The following BRD3 variants were observed in gnomAD, a reference collection of about 807,000 sequenced individuals.
BRD3 encodes the protein bromodomain containing 3, also known as bromodomain-containing protein 3.
BRD3 carries 17 observed loss-of-function variants against 66.8 expected under a neutral mutation model. That is an observed-to-expected ratio of 0.25 (90% CI 0.17 to 0.38). The LOEUF is 0.38. BRD3 is among the 10% of genes least tolerant of loss of function. BRD3 has a pLI of 1.00. For synonymous variants in BRD3, 421 were observed against 393.2 expected (o/e 1.07, Z -0.84); for missense variants, 713 against 956.1 (o/e 0.75, Z 3.35).
rs748129502 is a variant in BRD3, at chr9:134,040,170, CCTT to C, written c.1504_1506del (p.Lys502del). The C allele has an allele frequency of 4.6e-5, 72 of 1,563,506 alleles. No individual in the cohort carries two copies. Among genetic ancestry groups the C allele is most frequent in the Middle Eastern group, 3.3e-4 (2 of 6,022 alleles). On this transcript the variant is annotated inframe_deletion, in exon 9 of 12. Coordinates refer to ENST00000303407, the MANE Select transcript of BRD3 (RefSeq NM_007371.4). Reference sequence around the variant, plus strand: ...TGCTTCTCCTTCTCCTTCTCCTTGTCCTTCTTCTTCTTCTCCTTCTCCTTCTTC... The same window carrying C: ...TGCTTCTCCTTCTCCTTCTCCTTGTCCTTCTTCTTCTCCTTCTCCTTCTTC...
chr9:134,048,316 G>T lies in BRD3; in HGVS notation c.853C>A (p.Pro285Thr). 1 of 1,600,462 alleles carries T rather than the reference G, an allele frequency of 6.2e-7. No individual in the cohort carries two copies. Among genetic ancestry groups the T allele is most frequent in the Non-Finnish European group, 8.5e-7 (1 of 1,178,894 alleles). Residue 285 changes from proline (P) to threonine (T), a missense_variant, in exon 6 of 12, where the codon CCC (proline) becomes ACC (threonine). This residue lies in a region of BRD3 where 418 missense variants were observed against 609.3 expected (regional missense o/e 0.69). Coordinates refer to ENST00000303407, the MANE Select transcript of BRD3 (RefSeq NM_007371.4). The part of the protein sequence containing the change: ...VVARRESGGR[P>T]IKPPKKDLED... ...AGGTCCTTCTTGGGAGGCTTGATGGGGCGGCCACCACTCTCCCGCCGGGCC... is the reference window on the plus strand; with the variant it reads ...AGGTCCTTCTTGGGAGGCTTGATGGTGCGGCCACCACTCTCCCGCCGGGCC...
At chr9:134,038,356 A>G in intron 9 of BRD3, among the ~76,000 whole-genome samples, 1 of 152,152 alleles carries the variant, frequency 6.6e-6, no homozygotes, top group Non-Finnish European at 1.5e-5. Context: ...GGGTTTCACC[A>G]TGTTGGCCCA....
intron 4 of BRD3, 55 bp from the exon 5 acceptor site, chr9:134,050,643 A>G: frequency 6.9e-7 from 1 of 1,455,920 alleles, no homozygotes; most frequent in Non-Finnish European, 9.5e-7. Flanking sequence ...TATTTCCAGA[A>G]GCTTCCAGTG....
At position 134,061,362 on chromosome 9, in the gene BRD3, G is replaced by A. The variant is rs963503105; in HGVS notation, c.-114+6583C>T. On this transcript the variant is annotated intron_variant, in intron 1 of 11. Transcript: ENST00000303407. ...AGCTTTCAGCAAACAGGCAGGGTTG[G>A]GAGGACAGCTTACCAAGGCCATTCC... 5.9e-5 allele frequency among the ~76,000 whole-genome samples: 9 copies of A among 152,350 alleles called. No individual in the cohort carries two copies. In the East Asian group the frequency reaches 1.5e-3, roughly 26 times the overall value.
In BRD3 at chr9:134,034,792, C is replaced by A; in HGVS notation, c.1974G>T (p.Glu658Asp). The change falls in exon 11 of 12, where the codon GAG becomes GAT. Residue 658 changes from glutamate (E) to aspartate (D), a missense_variant. Physicochemically the swap from Glu to Asp is conservative, Grantham distance 45. This residue lies in a region of BRD3 where 418 missense variants were observed against 609.3 expected (regional missense o/e 0.69). Coordinates refer to ENST00000303407, the MANE Select transcript of BRD3 (RefSeq NM_007371.4). ...SGKKQAAKSK[E>D]ELAQEKKKEL... Reference sequence around the variant, plus strand: ...CCTTCTTCTTTTCCTGAGCTAGCTCCTCTTTCGACTTGGCTGCCTGTTTCT... The same window carrying A: ...CCTTCTTCTTTTCCTGAGCTAGCTCATCTTTCGACTTGGCTGCCTGTTTCT... 3 of 1,612,350 alleles carry A rather than the reference C, an allele frequency of 1.9e-6. No homozygotes were observed. Among genetic ancestry groups the A allele is most frequent in the Non-Finnish European group, 2.5e-6 (3 of 1,180,024 alleles).
chr9:134,039,645 G>A (rs1390059057), intron 9 of BRD3, among the ~76,000 whole-genome samples: 7 of 152,196 alleles, frequency 4.6e-5, no homozygotes, highest in Admixed American at 1.3e-4. Flanking sequence ...AGGGGCTCCC[G>A]AAGGAGGCTG....
intron 1 of BRD3, chr9:134,057,355 A>T (rs1830446189): frequency 6.6e-6 from 1 of 152,210 alleles, no homozygotes; most frequent in African/African-American, 2.4e-5. Context: ...CCTGTTGCAG[A>T]GTGTGGTGCT....
chr9:134,043,596 G>A (rs1830107309), intron 7 of BRD3, among the ~76,000 whole-genome samples: 1 of 152,210 alleles, frequency 6.6e-6, no homozygotes. Context: ...CCCCCGCTCG[G>A]CCGACAGCCT....
chr9:134,044,039 C>CG (rs1423315907), intron 7 of BRD3, among the ~76,000 whole-genome samples: 2 of 152,224 alleles, frequency 1.3e-5, no homozygotes, highest in Non-Finnish European at 2.9e-5. Context: ...CCTGGGTTTC[C>CG]GTCCTCTATG....
chr9:134,053,064 G>A (rs1289722391), intron 2 of BRD3, among the ~76,000 whole-genome samples: 4 of 152,170 alleles, frequency 2.6e-5, no homozygotes, highest in African/African-American at 9.7e-5. Flanking sequence ...TCCTGCACCT[G>A]GGGCAGCCGC....
chr9:134,058,262 C>T (rs968366582), intron 1 of BRD3: 2 of 152,312 alleles, frequency 1.3e-5, no homozygotes, highest in Non-Finnish European at 2.9e-5. Flanking sequence ...TGACCATGGG[C>T]CCCCTTGGCT....
rs766985873 is a variant in BRD3 at position 134,040,001 on chromosome 9, G to A, written c.1643+33C>T. On this transcript the variant is annotated intron_variant, in intron 9 of 11. Coordinates refer to ENST00000303407, the MANE Select transcript of BRD3 (RefSeq NM_007371.4). ...AGCCCCCATGGCGTGCTGAGCGCTG[G>A]GCTCTTGGAGCCCGAGCAGGTCTGG... The A allele has an allele frequency of 3.2e-6, 5 of 1,563,500 alleles. 1 individual carries two copies. In the South Asian group the frequency reaches 4.7e-5, roughly 15 times the overall value.
intron 10 of BRD3, among the ~76,000 whole-genome samples, chr9:134,035,370 T>G (rs1193589470): frequency 6.6e-6 from 1 of 152,102 alleles, no homozygotes; most frequent in African/African-American, 2.4e-5. Context: ...AGAGGCCACA[T>G]GCAAGTTCAA....
intron 8 of BRD3, among the ~76,000 whole-genome samples, chr9:134,040,962 T>C (rs1588277460): frequency 6.6e-6 from 1 of 151,856 alleles, no homozygotes; most frequent in African/African-American, 2.4e-5. Context: ...CCACGGCCTG[T>C]CCCTGCCTCT....
rs1335872606 is a variant in BRD3 at position 134,031,152 on chromosome 9, T to C, written c.*2438A>G. The C allele has an allele frequency of 8.8e-6, 2 of 226,680 alleles. No individual in the cohort carries two copies. The highest frequency in any genetic ancestry group is 1.8e-5 in the Non-Finnish European group (2 of 114,108). 14.0% of individuals were successfully genotyped at this position (226,680 alleles called of 1,614,324 possible). Reference sequence around the variant, plus strand: ...ACCCGCCGTGGGCTGTCAGGGTCAGTGGCTTCTTTCTAGATGAAAGGAGCA... The same window carrying C: ...ACCCGCCGTGGGCTGTCAGGGTCAGCGGCTTCTTTCTAGATGAAAGGAGCA... On this transcript the variant is annotated 3_prime_UTR_variant, in exon 12 of 12. Coordinates refer to ENST00000303407, the MANE Select transcript of BRD3 (RefSeq NM_007371.4).
rs1829911679 is a variant in BRD3 at position 134,036,341 on chromosome 9, A to G, written c.1644-17T>C. 2 of 1,587,120 alleles carry G rather than the reference A, an allele frequency of 1.3e-6. No individual in the cohort carries two copies. The highest frequency in any genetic ancestry group is 1.7e-6 in the Non-Finnish European group (2 of 1,166,374). On this transcript the variant is annotated splice_polypyrimidine_tract_variant and intron_variant, in intron 9 of 11. Coordinates refer to ENST00000303407, the MANE Select transcript of BRD3 (RefSeq NM_007371.4). Reference sequence around the variant, plus strand: ...TTCAGCTGTCTGGGGCAGGAGACAGAGCAACGTGGTGTTGAGTCTCCGTCT... The same window carrying G: ...TTCAGCTGTCTGGGGCAGGAGACAGGGCAACGTGGTGTTGAGTCTCCGTCT...
intron 1 of BRD3, among the ~76,000 whole-genome samples, chr9:134,063,223 G>A (rs1830581013): frequency 6.6e-6 from 1 of 152,214 alleles, no homozygotes; most frequent in South Asian, 2.1e-4. Flanking sequence ...CCTGTTGCCG[G>A]GACAGACCGG....
At chr9:134,066,143 C>A (rs1830646940) in intron 1 of BRD3, among the ~76,000 whole-genome samples, 2 of 152,312 alleles carry the variant, frequency 1.3e-5, no homozygotes, top group Non-Finnish European at 2.9e-5. Context: ...GATGTCCCAA[C>A]GGCAGGGCTC....
chr9:134,040,762 A>C (rs1258310058), intron 8 of BRD3, among the ~76,000 whole-genome samples: 3 of 152,228 alleles, frequency 2.0e-5, no homozygotes, highest in East Asian at 3.8e-4. Context: ...CACACAAAGG[A>C]GATTTTCATC....
Sources: gnomAD v4.1 joint callset for allele counts (sites outside exome capture counted in the v4.1 genomes callset) on GRCh38, gnomAD v4.1.1 for gene constraint, gnomAD v4.1.1 regional missense constraint, MANE v1.5 for transcripts, NCBI Gene and HGNC (gene_info 2026-07-23, HGNC 2026-07-21) for gene names.